The following MX2 variants were observed in gnomAD, a reference collection of about 807,000 sequenced individuals.
The protein encoded by MX2 is MX dynamin like GTPase 2.
A neutral mutation model predicts 74.0 loss-of-function variants in MX2; 51 were observed. That is an observed-to-expected ratio of 0.69 (90% CI 0.55 to 0.87). MX2 has a LOEUF of 0.87. Ranked by LOEUF, MX2 falls within the 40% of genes least tolerant of loss-of-function variation. The probability of loss-of-function intolerance (pLI) is 0.00; values close to 1 mark genes in which losing one functional copy is unlikely to be tolerated. For synonymous variants in MX2, 369 were observed against 339.3 expected, an observed-to-expected ratio of 1.09 and a Z score of -0.96; for missense variants, 832 against 908.7, an observed-to-expected ratio of 0.92 and a Z score of 1.09.
At chr21:41,397,555 T>G in intron 7 of MX2, 58 bp from the exon 8 acceptor site, 1 of 1,514,730 alleles carries the variant, frequency 6.6e-7, no homozygotes, top group South Asian at 1.1e-5. Flanking sequence ...CAAAGTCCGG[T>G]ACTAGCAAGA....
At chr21:41,394,938 A>AAGAGAG (rs372983367) in intron 6 of MX2, among the ~76,000 whole-genome samples, 5 of 148,266 alleles carry the variant, frequency 3.4e-5, no homozygotes, top group African/African-American at 1.3e-4. Context: ...TCAAAAAAGA[A>AAGAGAG]AGAGAGAGAG....
intron 1 of MX2, among the ~76,000 whole-genome samples, chr21:41,375,423 C>T (rs1386309926): frequency 6.6e-6 from 1 of 152,264 alleles, no homozygotes; most frequent in South Asian, 2.1e-4. Context: ...GGTTCTCTCA[C>T]AGCCCTGGAG....
chr21:41,372,574 G>C (rs2089339390), intron 1 of MX2, among the ~76,000 whole-genome samples: 2 of 152,026 alleles, frequency 1.3e-5, no homozygotes. Context: ...CTTGACTTCT[G>C]GCATGGCTTC....
rs561422876 is a variant in MX2, at chr21:41,386,611, C to T, written c.733-3954C>T. ...TGTCCTAGACCTCTCTCCTGCAGAT[C>T]GGGGCCTCCAGGTCCCACAGGCTCC... On this transcript the variant is annotated intron_variant, in intron 5 of 13. Coordinates refer to ENST00000330714, the MANE Select transcript of MX2 (RefSeq NM_002463.2). Among the ~76,000 whole-genome samples the T allele has an allele frequency of 9.8e-5, 15 of 152,348 alleles. 2 individuals are homozygous for T. Among genetic ancestry groups the T allele is most frequent in the Middle Eastern group, 3.4e-3 (1 of 294 alleles).
chr21:41,398,242 G>A (rs2089761326), intron 8 of MX2, among the ~76,000 whole-genome samples: 1 of 152,224 alleles, frequency 6.6e-6, no homozygotes, highest in African/African-American at 2.4e-5. Context: ...CCGGAAGGTG[G>A]AGGTTGTGGT....
At chr21:41,392,497 C>G (rs1350501825) in intron 6 of MX2, among the ~76,000 whole-genome samples, 1 of 151,942 alleles carries the variant, frequency 6.6e-6, no homozygotes, top group Non-Finnish European at 1.5e-5. Flanking sequence ...TGGTGGTTGC[C>G]CAAGACTGGA....
chr21:41,408,116 G>A lies in MX2; in HGVS notation c.2031G>A (p.Trp677Ter). 3.1e-6 allele frequency: 5 copies of A among 1,614,156 alleles called. No homozygotes were observed. The highest frequency in any genetic ancestry group is 4.2e-6 in the Non-Finnish European group (5 of 1,180,036). The change falls in exon 14 of 14, where the codon TGG becomes TGA. Residue 677 changes from tryptophan (W) to a stop codon, truncating the protein, a stop_gained. Coordinates refer to ENST00000330714, the MANE Select transcript of MX2 (RefSeq NM_002463.2). LOFTEE classifies it low-confidence loss of function (END_TRUNC). Reference protein sequence around the residue: ...QILQEKNRYSWLLQEQSETAT... With the variant: ...QILQEKNRYS The stretch of plus-strand genomic sequence containing the variant: ...TACAGGAAAAAAATCGCTATTCCTG[G>A]CTGCTTCAAGAGCAGAGTGAGACCG...
At chr21:41,398,762 TG>T (rs2089768309) in intron 8 of MX2, 134 bp from the exon 9 acceptor site, 1 of 1,238,322 alleles carries the variant, frequency 8.1e-7, no homozygotes, top group Non-Finnish European at 1.1e-6. Context: ...CCCAGCACTT[TG>T]GGAGGCTGGG....
chr21:41,376,428 C>A (rs907598922), intron 1 of MX2, among the ~76,000 whole-genome samples: 2 of 152,188 alleles, frequency 1.3e-5, no homozygotes, highest in East Asian at 3.9e-4. Context: ...TGCCTCTAGT[C>A]CCAACTACTC....
rs375869944 is a variant in MX2 at position 41,399,070 on chromosome 21, C to G, written c.1272+51C>G. The G allele has an allele frequency of 3.8e-6, 6 of 1,596,930 alleles. No individual in the cohort carries two copies. In the Middle Eastern group the frequency reaches 5.0e-4, roughly 134 times the overall value. On this transcript the variant is annotated intron_variant, in intron 9 of 13. Coordinates refer to ENST00000330714, the MANE Select transcript of MX2 (RefSeq NM_002463.2). ...TGACACTGCATCCTTCCCTGGTGGC[C>G]CTGCAGCTGCCCTTCCCCTTCTTCA...
At position 41,384,925 on chromosome 21, in the gene MX2, TCA is replaced by T. The variant is rs542987435; in HGVS notation, c.732+2362_732+2363del. ...TTTGTTTCTTTAATTCTTGCTTAAA[TCA>T]TTACAAAGGGATTTTGTTATTGAAA... On this transcript the variant is annotated intron_variant, in intron 5 of 13. Coordinates refer to ENST00000330714, the MANE Select transcript of MX2 (RefSeq NM_002463.2). 3.3e-4 allele frequency among the ~76,000 whole-genome samples: 50 copies of T among 152,200 alleles called. 1 individual carries two copies. In the East Asian group the frequency reaches 6.2e-3, roughly 19 times the overall value.
chr21:41,399,219 C>T lies in MX2; in HGVS notation c.1296C>T (p.Asp432=), dbSNP rs753542315. Residue 432 remains aspartate, a synonymous_variant, in exon 10 of 14, where the codon GAC becomes GAT. Coordinates refer to ENST00000330714, the MANE Select transcript of MX2 (RefSeq NM_002463.2). ...AGAAAATCAAGATGTTTAATCAGGA[C>T]ATCGAAAAGTTAGTAGAAGGAGAAG... ...LIEKIKMFNQ[D]IEKLVEGEEV... The T allele has an allele frequency of 6.2e-7, 1 of 1,613,860 alleles. No homozygotes were observed. Among genetic ancestry groups the T allele is most frequent in the South Asian group, 1.1e-5 (1 of 91,062 alleles).
chr21:41,388,333 G>C lies in MX2; in HGVS notation c.733-2232G>C, dbSNP rs569427720. 6.6e-6 allele frequency among the ~76,000 whole-genome samples: 1 copy of C among 152,176 alleles called. No homozygotes were observed. The highest frequency in any genetic ancestry group is 1.5e-5 in the Non-Finnish European group (1 of 68,032). ...CCACCCTACCACATCCGGGTTCTGC[G>C]GCCCTTGGTCCCTCTGGCTCACTTT... On this transcript the variant is annotated intron_variant, in intron 5 of 13. Coordinates refer to ENST00000330714, the MANE Select transcript of MX2 (RefSeq NM_002463.2). The surrounding 1 kb of genome is among the most constrained non-coding windows in gnomAD (Gnocchi z 4.0).
rs5844075 is a variant in MX2, at chr21:41,409,236, T to TACACACAC, written c.*1019_*1026dup. 1 of 150,460 alleles carries TACACACAC rather than the reference T, an allele frequency of 6.6e-6. No individual in the cohort carries two copies. The highest frequency in any genetic ancestry group is 1.5e-5 in the Non-Finnish European group (1 of 67,496). The allele number at this position is 150,460 out of a possible 1,614,324, so 9.3% of individuals were successfully genotyped here. A position where few individuals can be genotyped will look rare whatever the true frequency, so the allele number is the denominator to read the frequency against. ...GTGAGAGTGAGACTCTGTCTCTGAA[T>TACACACAC]ACACACACACACACACACACACATA... On this transcript the variant is annotated 3_prime_UTR_variant, in exon 14 of 14. Coordinates refer to ENST00000330714, the MANE Select transcript of MX2 (RefSeq NM_002463.2).
chr21:41,393,331 T>C (rs1180218153), intron 6 of MX2, among the ~76,000 whole-genome samples: 4 of 152,150 alleles, frequency 2.6e-5, no homozygotes, highest in African/African-American at 9.7e-5. Flanking sequence ...TCTACTCCCT[T>C]GGCTTCAGCC....
chr21:41,375,437 G>A (rs924820372), intron 1 of MX2, among the ~76,000 whole-genome samples: 1 of 152,252 alleles, frequency 6.6e-6, no homozygotes, highest in African/African-American at 2.4e-5. Context: ...CCTGGAGGCT[G>A]GAAGTCCCAG....
chr21:41,382,385 G>A (rs1256008413), intron 4 of MX2, 25 bp from the exon 5 acceptor site: 1 of 1,609,518 alleles, frequency 6.2e-7, no homozygotes, highest in Non-Finnish European at 8.5e-7. Flanking sequence ...AGGGCTCTGG[G>A]TTTCTCCCCT....
chr21:41,365,664 A>T (rs562157215), intron 1 of MX2: 18 of 152,204 alleles, frequency 1.2e-4, no homozygotes, highest in African/African-American at 3.9e-4. Context: ...TGTCTTTGCT[A>T]TTGTAACGGT....
At position 41,408,258 on chromosome 21, in the gene MX2, T is replaced by C. The variant is rs1309544894; in HGVS notation, c.*25T>C. The C allele has an allele frequency of 1.2e-6, 2 of 1,611,656 alleles. No homozygotes were observed. Among genetic ancestry groups the C allele is most frequent in the East Asian group, 2.2e-5 (1 of 44,838 alleles). The stretch of plus-strand genomic sequence containing the variant: ...AAGGGCGGCGATGCCTGTGGTTGTT[T>C]TCTTGTGCGTACTCATTCATTCTAA... On this transcript the variant is annotated 3_prime_UTR_variant, in exon 14 of 14. Transcript: ENST00000330714.
Sources: allele counts gnomAD v4.1 joint callset (sites outside exome capture counted in the v4.1 genomes callset), GRCh38; gene constraint gnomAD v4.1.1; non-coding constraint Gnocchi (gnomAD v3.1); transcripts MANE v1.5; gene names NCBI Gene and HGNC (gene_info 2026-07-23, HGNC 2026-07-21).